PRKCQ: variants seen among roughly 807,000 people sequenced by gnomAD.
PRKCQ encodes the protein protein kinase C theta type.
A neutral mutation model predicts 91.2 loss-of-function variants in PRKCQ; 41 were observed. The observed-to-expected ratio is 0.45, with a 90% CI of 0.35 to 0.58. The LOEUF (loss-of-function observed/expected upper bound fraction) is 0.58, where lower values mean the gene tolerates loss of function less well. Among genes scored for constraint, PRKCQ ranks in the 20% least tolerant of loss-of-function variants. PRKCQ has a pLI of 0.00. For synonymous variants in PRKCQ, 307 were observed against 316.9 expected (o/e 0.97, Z 0.33); for missense variants, 673 against 896.5 (o/e 0.75, Z 3.18).
the PRKCQ span, among the ~76,000 whole-genome samples, chr10:6,418,918 CCATT>C: frequency 6.6e-5 from 10 of 152,008 alleles, no homozygotes; most frequent in East Asian, 1.9e-4. Flanking sequence ...ATCCATCTGT[CCATT>C]CATTTATCTC....
chr10:6,566,771 G>A (rs1887327), intron 1 of PRKCQ, among the ~76,000 whole-genome samples: 108,123 of 151,826 alleles, frequency 0.71, 42,333 homozygotes, highest in East Asian at 0.95. Flanking sequence ...CCAAGCAGAC[G>A]ACACTGGCCA....
At chr10:6,544,683 T>A (rs1477601616) in intron 1 of PRKCQ, among the ~76,000 whole-genome samples, 1 of 151,590 alleles carries the variant, frequency 6.6e-6, no homozygotes, top group East Asian at 1.9e-4. Context: ...TGCAGTGGCA[T>A]GATCCAGGCT....
chr10:6,548,163 C>T (rs1840037724), intron 1 of PRKCQ, among the ~76,000 whole-genome samples: 3 of 150,624 alleles, frequency 2.0e-5, no homozygotes, highest in South Asian at 2.1e-4. Flanking sequence ...CAGAGAAATG[C>T]AAATCAAAAC....
chr10:6,545,161 A>T (rs930132486), intron 1 of PRKCQ, among the ~76,000 whole-genome samples: 3 of 152,226 alleles, frequency 2.0e-5, no homozygotes, highest in African/African-American at 7.2e-5. Context: ...TGACTTCAGG[A>T]ACCACGGACA....
chr10:6,527,664 A>G (rs1640904492), intron 1 of PRKCQ, among the ~76,000 whole-genome samples: 2 of 152,098 alleles, frequency 1.3e-5, no homozygotes, highest in Admixed American at 1.3e-4. Flanking sequence ...TCCCCAGGAG[A>G]CAGCGGTCAC....
At chr10:6,498,811 G>A (rs1176738682) in intron 4 of PRKCQ, among the ~76,000 whole-genome samples, 3 of 152,128 alleles carry the variant, frequency 2.0e-5, no homozygotes, top group African/African-American at 4.8e-5. Context: ...TCAATCCTTC[G>A]CTCCTCTTTG....
At chr10:6,554,739 G>A (rs1840341376) in intron 1 of PRKCQ, among the ~76,000 whole-genome samples, 1 of 152,092 alleles carries the variant, frequency 6.6e-6, no homozygotes, top group African/African-American at 2.4e-5. Flanking sequence ...AAATTACTAA[G>A]TCTACAAAGA....
intron 1 of PRKCQ, among the ~76,000 whole-genome samples, chr10:6,558,919 C>G (rs1478351397): frequency 6.6e-6 from 1 of 152,124 alleles, no homozygotes; most frequent in East Asian, 1.9e-4. Context: ...TTTAGAGAGT[C>G]CCAAGTGCAT....
chr10:6,517,588 CTTTTTTTTTTTTT>C (rs56306878), intron 1 of PRKCQ, among the ~76,000 whole-genome samples: 15 of 49,480 alleles, frequency 3.0e-4, no homozygotes, highest in Admixed American at 1.7e-3. Context: ...AAGATAGCAT[CTTTTTTTTTTTTT>C]TTTTTTTTTT....
the PRKCQ span, among the ~76,000 whole-genome samples, chr10:6,415,438 AT>A: frequency 1.1e-5 from 1 of 91,770 alleles, no homozygotes; most frequent in East Asian, 2.3e-4. Context: ...ATATATATAT[AT>A]ATATATATAT....
intron 1 of PRKCQ, among the ~76,000 whole-genome samples, chr10:6,552,892 A>AAT (rs1175410837): frequency 7.7e-5 from 3 of 38,896 alleles, no homozygotes; most frequent in African/African-American, 1.3e-4. Flanking sequence ...GAAAAATTAA[A>AAT]ATTTTTTTTT....
At chr10:6,415,724 T>G in the PRKCQ span, among the ~76,000 whole-genome samples, 1 of 149,116 alleles carries the variant, frequency 6.7e-6, no homozygotes, top group Non-Finnish European at 1.5e-5. Flanking sequence ...CAATTGCTGC[T>G]AATGTTTCTC....
Position 6,566,123 on chromosome 10 carries a change from C to T in PRKCQ, c.-10+14088G>A, listed in dbSNP as rs112846518. ...CATAACCTTCCTTGTGTTACCATCC[C>T]CACTAACACTGTAGAACGAATCATG... On this transcript the variant is annotated intron_variant, in intron 1 of 17. Transcript: ENST00000263125. Among the ~76,000 whole-genome samples the T allele has an allele frequency of 8.5e-3, 1,300 of 152,282 alleles. 12 individuals are homozygous for T. Among genetic ancestry groups the T allele is most frequent in the South Asian group, 0.028 (137 of 4,824 alleles).
At chr10:6,478,857 G>C in intron 12 of PRKCQ, 135 bp downstream of exon 12, 2 of 965,832 alleles carry the variant, frequency 2.1e-6, no homozygotes, top group Non-Finnish European at 3.1e-6. Context: ...GGGATGTTTG[G>C]ATGGATGGCA....
At chr10:6,498,968 G>C (rs143618987) in intron 4 of PRKCQ, among the ~76,000 whole-genome samples, 38 of 152,324 alleles carry the variant, frequency 2.5e-4, no homozygotes, top group Middle Eastern at 3.4e-3. Flanking sequence ...TGTAATTCTA[G>C]AGAATCACAT....
rs1439142886 is a variant in PRKCQ, at chr10:6,465,986, C to T, written c.1354-1582G>A. On this transcript the variant is annotated intron_variant, in intron 12 of 17. Transcript: ENST00000263125. The surrounding 1 kb of genome is among the most constrained non-coding windows in gnomAD (Gnocchi z 4.4). Reference sequence around the variant, plus strand: ...TGCACACACCTGCTTTCTCATGCTACCTCTTGCTCTCATCAGCACCACAGA... The same window carrying T: ...TGCACACACCTGCTTTCTCATGCTATCTCTTGCTCTCATCAGCACCACAGA... Among the ~76,000 whole-genome samples the T allele has an allele frequency of 6.6e-6, 1 of 152,222 alleles. No individual in the cohort carries two copies. Among genetic ancestry groups the T allele is most frequent in the East Asian group, 1.9e-4 (1 of 5,202 alleles).
chr10:6,513,887 GA>G (rs2130866158), intron 2 of PRKCQ, among the ~76,000 whole-genome samples: 1 of 152,204 alleles, frequency 6.6e-6, no homozygotes, highest in South Asian at 2.1e-4. Flanking sequence ...GCCTTTGCAG[GA>G]CAACCCTATA....
At chr10:6,542,034 C>T (rs954341500) in intron 1 of PRKCQ, among the ~76,000 whole-genome samples, 5 of 152,244 alleles carry the variant, frequency 3.3e-5, no homozygotes, top group Admixed American at 1.3e-4. Flanking sequence ...TCAACACGTT[C>T]CTCAACTCTG....
chr10:6,424,244 G>T (rs756344301), downstream of PRKCQ, among the ~76,000 whole-genome samples: 1 of 152,126 alleles, frequency 6.6e-6, no homozygotes, highest in Non-Finnish European at 1.5e-5. Context: ...GGTGACATTA[G>T]ACATGTCCTT....
Sources: allele counts gnomAD v4.1 joint callset (sites outside exome capture counted in the v4.1 genomes callset), GRCh38; gene constraint gnomAD v4.1.1; non-coding constraint Gnocchi (gnomAD v3.1); transcripts MANE v1.5; gene names NCBI Gene and HGNC (gene_info 2026-07-23, HGNC 2026-07-21).